The following LRRC53 variants were observed in gnomAD, a reference collection of about 807,000 sequenced individuals.
The protein encoded by LRRC53 is leucine rich repeat containing 53.
A neutral mutation model predicts 13.6 loss-of-function variants in LRRC53; 25 were observed. The observed-to-expected ratio is 1.83, with a 90% confidence interval of 1.34 to 2.56. LRRC53 has a LOEUF of 2.56. Ranked by LOEUF, LRRC53 falls within the 30% of genes most tolerant of loss-of-function variation. The pLI is 0.00. For synonymous variants in LRRC53, 204 were observed against 109.8 expected, an observed-to-expected ratio of 1.86 and a Z score of -5.37; for missense variants, 527 against 275.8, an observed-to-expected ratio of 1.91 and a Z score of -6.45.
At chr1:74,489,740 T>A (rs1668955865) in intron 1 of LRRC53, among the ~76,000 whole-genome samples, 1 of 152,194 alleles carries the variant, frequency 6.6e-6, no homozygotes, top group Non-Finnish European at 1.5e-5. Flanking sequence ...GCTAATGGAA[T>A]TTTCTTGCCT....
intron 1 of LRRC53, among the ~76,000 whole-genome samples, chr1:74,503,433 A>T (rs1454774269): frequency 2.0e-5 from 3 of 152,234 alleles, no homozygotes; most frequent in Admixed American, 1.3e-4. Context: ...ACATTATATT[A>T]GTATCTAACC....
chr1:74,473,985 AC>A (rs1668063268), intron 4 of LRRC53, among the ~76,000 whole-genome samples: 1 of 152,104 alleles, frequency 6.6e-6, no homozygotes, highest in African/African-American at 2.4e-5. Flanking sequence ...AGCAGATGTG[AC>A]CTTGGCTGTT....
At chr1:74,527,866 T>C in the LRRC53 span, among the ~76,000 whole-genome samples, 3 of 151,856 alleles carry the variant, frequency 2.0e-5, no homozygotes, top group Non-Finnish European at 4.4e-5. Context: ...CCAAGTAAGG[T>C]GTGGAGAATG....
At chr1:74,530,776 A>T in the LRRC53 span, among the ~76,000 whole-genome samples, 2 of 149,476 alleles carry the variant, frequency 1.3e-5, no homozygotes, top group African/African-American at 4.9e-5. Flanking sequence ...GATATGAAAG[A>T]TTTTGCTATA....
chr1:74,528,480 T>G, the LRRC53 span, among the ~76,000 whole-genome samples: 1 of 152,012 alleles, frequency 6.6e-6, no homozygotes, highest in East Asian at 1.9e-4. Context: ...AGGAGGATAT[T>G]TGTGTGTGTG....
the LRRC53 span, among the ~76,000 whole-genome samples, chr1:74,521,927 G>T: frequency 3.3e-5 from 5 of 152,310 alleles, no homozygotes; most frequent in East Asian, 7.7e-4. Flanking sequence ...AGCCCAGAGT[G>T]ATTCTGGGGC....
At chr1:74,505,550 ATTG>A in intron 1 of LRRC53, among the ~76,000 whole-genome samples, 1 of 151,654 alleles carries the variant, frequency 6.6e-6, no homozygotes, top group East Asian at 1.9e-4. Flanking sequence ...TTCCTCATGG[ATTG>A]TTTTTTCTTT....
intron 3 of LRRC53, among the ~76,000 whole-genome samples, chr1:74,477,672 C>T (rs939204278): frequency 1.3e-5 from 2 of 152,160 alleles, no homozygotes; most frequent in Admixed American, 6.6e-5. Flanking sequence ...CACTCACTCC[C>T]CTGCTCTTGA....
chr1:74,505,679 A>C (rs568256718), intron 1 of LRRC53, among the ~76,000 whole-genome samples: 26 of 152,306 alleles, frequency 1.7e-4, no homozygotes, highest in African/African-American at 6.0e-4. Context: ...TTGTAAAAAA[A>C]CACATTAAAC....
chr1:74,495,827 C>T (rs924763791), intron 1 of LRRC53, among the ~76,000 whole-genome samples: 1 of 152,144 alleles, frequency 6.6e-6, no homozygotes, highest in African/African-American at 2.4e-5. Flanking sequence ...TCCAGTTTCT[C>T]CTGGAAGTCA....
intron 2 of LRRC53, among the ~76,000 whole-genome samples, 165 bp downstream of exon 2, chr1:74,483,097 A>T (rs1229532011): frequency 6.6e-6 from 1 of 152,254 alleles, no homozygotes; most frequent in East Asian, 1.9e-4. Context: ...CATCAGGAAC[A>T]GGAAAATAAA....
chr1:74,511,903 G>A (rs1670246580), intron 1 of LRRC53, among the ~76,000 whole-genome samples: 2 of 152,188 alleles, frequency 1.3e-5, no homozygotes, highest in African/African-American at 4.8e-5. Flanking sequence ...ACAGCAAAGG[G>A]TTGAGTGTGG....
chr1:74,498,953 T>G (rs1275946853), intron 1 of LRRC53, among the ~76,000 whole-genome samples: 2 of 152,208 alleles, frequency 1.3e-5, no homozygotes, highest in African/African-American at 4.8e-5. Flanking sequence ...TATTTTAGCA[T>G]GAAATAAAAG....
chr1:74,514,526 G>T (rs1242182691), upstream of LRRC53, among the ~76,000 whole-genome samples: 1 of 152,158 alleles, frequency 6.6e-6, no homozygotes, highest in African/African-American at 2.4e-5. Flanking sequence ...AACCTACTAT[G>T]TACTAGTACA....
chr1:74,495,599 T>C (rs1436232213), intron 1 of LRRC53, among the ~76,000 whole-genome samples: 1 of 152,182 alleles, frequency 6.6e-6, no homozygotes, highest in Non-Finnish European at 1.5e-5. Flanking sequence ...TAAATAGTCA[T>C]CTAATTCAGC....
intron 1 of LRRC53, among the ~76,000 whole-genome samples, chr1:74,485,087 A>G (rs1413343527): frequency 1.3e-5 from 2 of 152,204 alleles, no homozygotes; most frequent in African/African-American, 4.8e-5. Flanking sequence ...TAAATAAACC[A>G]TTGTATCAAA....
chr1:74,477,781 A>G (rs274587), intron 3 of LRRC53, among the ~76,000 whole-genome samples: 69,332 of 152,058 alleles, frequency 0.46, 17,790 homozygotes, highest in East Asian at 0.67. Flanking sequence ...GGCAGGCGGA[A>G]TGTGCTATTA....
chr1:74,527,701 A>G, the LRRC53 span, among the ~76,000 whole-genome samples: 1 of 152,226 alleles, frequency 6.6e-6, no homozygotes, highest in African/African-American at 2.4e-5. Flanking sequence ...GATTGGAATC[A>G]GGGAGGTGAC....
At chr1:74,491,022 T>C (rs1669044166) in intron 1 of LRRC53, among the ~76,000 whole-genome samples, 2 of 152,212 alleles carry the variant, frequency 1.3e-5, no homozygotes, top group South Asian at 2.1e-4. Flanking sequence ...ATGATTAGTC[T>C]TGTTCTGAAA....
Sources: allele counts gnomAD v4.1 joint callset (sites outside exome capture counted in the v4.1 genomes callset), GRCh38; gene constraint gnomAD v4.1.1; transcripts MANE v1.5; gene names NCBI Gene and HGNC (gene_info 2026-07-23, HGNC 2026-07-21).